The following OOEP variants were observed in gnomAD, a reference collection of about 807,000 sequenced individuals.
OOEP encodes the protein oocyte-expressed protein homolog.
Under a neutral mutation model 13.7 loss-of-function variants are expected in OOEP, and 16 were observed. That is an observed-to-expected ratio of 1.16 (90% CI 0.79 to 1.77). OOEP has a LOEUF of 1.77. Among genes scored for constraint, OOEP ranks in the 40% most tolerant of loss-of-function variants. The probability of loss-of-function intolerance (pLI) is 0.00; values close to 1 mark genes in which losing one functional copy is unlikely to be tolerated. For synonymous variants in OOEP, 89 were observed against 77.1 expected, an observed-to-expected ratio of 1.15 and a Z score of -0.81; for missense variants, 195 against 193.1, an observed-to-expected ratio of 1.01 and a Z score of -0.06.
At chr6:73,372,150 A>G (rs1769067705), upstream of OOEP, among the ~76,000 whole-genome samples, 1 of 152,190 alleles carries the variant, frequency 6.6e-6, no homozygotes, top group Non-Finnish European at 1.5e-5. Flanking sequence ...CATGAGACGC[A>G]CTTACATTAC....
rs764941098 is a variant in OOEP at position 73,395,067 on chromosome 6, C to G, written c.-467G>C. The G allele has an allele frequency of 5.6e-6, 9 of 1,613,002 alleles. No individual in the cohort carries two copies. The African/African-American group carries it at 1.2e-4, about 22-fold the overall frequency. ...GCAGAGGTGGTCGCTGGAGAGGCACCTCTAGGCCCCCGGAGGCCGTGGCCG... is the reference window on the plus strand; with the variant it reads ...GCAGAGGTGGTCGCTGGAGAGGCACGTCTAGGCCCCCGGAGGCCGTGGCCG... On this transcript the variant is annotated 5_prime_UTR_variant, in exon 1 of 4. Coordinates refer to the OOEP transcript ENST00000370363.
intron 2 of OOEP, among the ~76,000 whole-genome samples, chr6:73,386,091 CTTT>C (rs553140658): frequency 3.0e-5 from 4 of 134,808 alleles, no homozygotes; most frequent in Non-Finnish European, 1.6e-5. Flanking sequence ...ACATGCTTTT[CTTT>C]TTTTTTTTTT....
At chr6:73,381,205 TAAA>T (rs66507015) in intron 2 of OOEP, among the ~76,000 whole-genome samples, 39,512 of 98,854 alleles carry the variant, frequency 0.4, 7,735 homozygotes, top group South Asian at 0.45. Context: ...AAAAAAGTGT[TAAA>T]AAAAAAAAAA....
chr6:73,391,409 C>T (rs1329234689), intron 2 of OOEP: 1 of 152,524 alleles, frequency 6.6e-6, no homozygotes, highest in Non-Finnish European at 1.5e-5. Flanking sequence ...TCAGGCAGTT[C>T]AGGATTAGCC....
chr6:73,377,018 C>T (rs1481030447), intron 2 of OOEP, among the ~76,000 whole-genome samples: 1 of 152,090 alleles, frequency 6.6e-6, no homozygotes, highest in Non-Finnish European at 1.5e-5. Context: ...GGTGAGATGC[C>T]CTATGGTTCT....
At chr6:73,394,773 G>C (rs185124606) in exon 1 of OOEP, 603 of 1,278,168 alleles carry the variant, frequency 4.7e-4, no homozygotes, top group South Asian at 1.4e-3. Context: ...GAGCGTGGGC[G>C]GGGGGGCTAG....
intron 2 of OOEP, 36 bp from the exon 3 acceptor site, chr6:73,368,899 G>A (rs1361621842): frequency 2.0e-6 from 3 of 1,514,370 alleles, no homozygotes; most frequent in Non-Finnish European, 1.8e-6. Context: ...CCATGGACAG[G>A]GACAAGTGTT....
intron 2 of OOEP, among the ~76,000 whole-genome samples, chr6:73,384,673 T>G (rs1769246116): frequency 6.6e-6 from 1 of 151,922 alleles, no homozygotes; most frequent in Non-Finnish European, 1.5e-5. Context: ...CTCCATCACT[T>G]GAAGTCCTGG....
At position 73,369,851 on chromosome 6, in the gene OOEP, C is replaced by T. The variant is rs552038783; in HGVS notation, c.-59G>A. On this transcript the variant is annotated 5_prime_UTR_variant, in exon 1 of 3. Transcript: ENST00000370359. Reference sequence around the variant, plus strand: ...CGGCTTTCGCAAGACCTCTTCCAGACCCAGGCGCGAAGCTCGGGCTCTCTT... The same window carrying T: ...CGGCTTTCGCAAGACCTCTTCCAGATCCAGGCGCGAAGCTCGGGCTCTCTT... 1.3e-6 allele frequency: 2 copies of T among 1,494,872 alleles called. No individual in the cohort carries two copies. The highest frequency in any genetic ancestry group is 2.3e-5 in the East Asian group (1 of 44,056). The allele number at this position is 1,494,872 out of a possible 1,614,324, so 92.6% of individuals were successfully genotyped here.
At chr6:73,384,957 G>C (rs1008006070) in intron 2 of OOEP, among the ~76,000 whole-genome samples, 1 of 151,388 alleles carries the variant, frequency 6.6e-6, no homozygotes, top group Non-Finnish European at 1.5e-5. Flanking sequence ...GTCTGCTCTT[G>C]AACTCCTGAC....
At chr6:73,372,518 AG>A (rs1233439189), upstream of OOEP, among the ~76,000 whole-genome samples, 4 of 152,188 alleles carry the variant, frequency 2.6e-5, no homozygotes, top group Admixed American at 1.3e-4. Context: ...CTGATTCGCA[AG>A]TGTTGGTTTC....
Position 73,369,793 on chromosome 6 carries a change from A to T in OOEP, c.-1T>A, listed in dbSNP as rs747814030. The T allele has an allele frequency of 9.9e-6, 16 of 1,610,710 alleles. No individual in the cohort carries two copies. The highest frequency in any genetic ancestry group is 1.4e-5 in the Non-Finnish European group (16 of 1,177,510). On this transcript the variant is annotated 5_prime_UTR_variant, in exon 1 of 3. Transcript: ENST00000370359. ...CAGCGGCACCAGCATCATCGACCAT[A>T]CTGGGACCAGCAGCCGCGGAGCGCG...
chr6:73,380,446 CAG>C (rs1268983598), intron 2 of OOEP, among the ~76,000 whole-genome samples: 1 of 151,966 alleles, frequency 6.6e-6, no homozygotes, highest in East Asian at 1.9e-4. Context: ...TGGAAATAAA[CAG>C]AAATGACCAA....
chr6:73,370,148 G>T, upstream of OOEP: 1 of 245,222 alleles, frequency 4.1e-6, no homozygotes, highest in Non-Finnish European at 8.0e-6. Flanking sequence ...AGTTTGAATT[G>T]ACGACTCTAT....
intron 2 of OOEP, among the ~76,000 whole-genome samples, chr6:73,390,329 T>C (rs1769330014): frequency 6.6e-6 from 1 of 152,152 alleles, no homozygotes; most frequent in African/African-American, 2.4e-5. Context: ...TCACAGCAAG[T>C]ATTGTCGTCT....
chr6:73,394,822 C>T (rs1769426274), exon 1 of OOEP: 2 of 1,551,786 alleles, frequency 1.3e-6, no homozygotes, highest in African/African-American at 1.4e-5. Flanking sequence ...GCGTGGCTTC[C>T]CTGGCACGCT....
At position 73,369,380 on chromosome 6, in the gene OOEP, C is replaced by G; in HGVS notation, c.196G>C (p.Asp66His). 1 of 1,610,944 alleles carries G rather than the reference C, an allele frequency of 6.2e-7. No individual in the cohort carries two copies. Among genetic ancestry groups the G allele is most frequent in the African/African-American group, 1.3e-5 (1 of 74,940 alleles). Residue 66 changes from aspartate to histidine, a missense_variant, in exon 2 of 3, where the codon GAC becomes CAC. By Grantham distance (81) the Asp-to-His change is moderately conservative (BLOSUM62 -1). Transcript: ENST00000370359. ...TCCATTTCTGGAATTATGGCTCGGT[C>G]TGGGCCTAAACAAGTAAGGAAAAAC... is the stretch of plus-strand genomic sequence containing the variant. Reference protein sequence around the residue: ...AWLADELFGPDRAIIPEMEWT... With the variant: ...AWLADELFGPHRAIIPEMEWT...
chr6:73,378,720 C>T (rs970733883), intron 2 of OOEP, among the ~76,000 whole-genome samples: 3 of 151,654 alleles, frequency 2.0e-5, no homozygotes, highest in East Asian at 2.0e-4. Flanking sequence ...AAAAATTAGC[C>T]GAGCGTGGTG....
At chr6:73,394,210 A>G (rs1338171395) in intron 2 of OOEP, 1 of 602,544 alleles carries the variant, frequency 1.7e-6, no homozygotes, top group Non-Finnish European at 3.0e-6. Context: ...TTTGTGGATT[A>G]CAACCATTTC....
Sources: allele counts gnomAD v4.1 joint callset (sites outside exome capture counted in the v4.1 genomes callset), GRCh38; gene constraint gnomAD v4.1.1; transcripts MANE v1.5; gene names NCBI Gene and HGNC (gene_info 2026-07-23, HGNC 2026-07-21).